The following TRHDE variants were observed in gnomAD, a reference collection of about 807,000 sequenced individuals.
The protein encoded by TRHDE is thyrotropin releasing hormone degrading enzyme.
Under a neutral mutation model 125.7 loss-of-function variants are expected in TRHDE, and 72 were observed. The observed-to-expected ratio is 0.57, with a 90% confidence interval of 0.47 to 0.70. TRHDE has a LOEUF of 0.70. Among genes scored for constraint, TRHDE ranks in the 30% least tolerant of loss-of-function variants. TRHDE has a pLI of 0.00. For missense variants in TRHDE, 1,110 were observed against 1,327.1 expected (o/e 0.84, Z 2.54); for synonymous variants, 509 against 509.1 (o/e 1.00, Z 0.00).
At chr12:72,264,732 G>A (rs2139397030) in intron 2 of TRHDE, 1 of 151,960 alleles carries the variant, frequency 6.6e-6, no homozygotes, top group Admixed American at 6.6e-5. Context: ...CCCTATATAT[G>A]TATTGTTACT....
chr12:72,328,346 C>T (rs1869434337), intron 2 of TRHDE, among the ~76,000 whole-genome samples: 1 of 152,062 alleles, frequency 6.6e-6, no homozygotes, highest in African/African-American at 2.4e-5. Flanking sequence ...GGTAGGTCAC[C>T]TTACTACAAT....
intron 12 of TRHDE, among the ~76,000 whole-genome samples, chr12:72,604,725 G>A (rs1035253730): frequency 1.3e-5 from 2 of 151,936 alleles, no homozygotes; most frequent in African/African-American, 4.8e-5. Context: ...CTTTTCTGCT[G>A]TTATTTTGTA....
intron 2 of TRHDE, among the ~76,000 whole-genome samples, chr12:72,187,506 T>TGGTGGTGGA (rs1233283631): frequency 0.022 from 2,840 of 131,876 alleles, 71 homozygotes; most frequent in African/African-American, 0.04. Flanking sequence ...GTGGTGGTGG[T>TGGTGGTGGA]GGAGGAGGAG....
intron 1 of TRHDE, among the ~76,000 whole-genome samples, chr12:72,284,902 C>T (rs1190872502): frequency 6.6e-6 from 1 of 152,102 alleles, no homozygotes; most frequent in Non-Finnish European, 1.5e-5. Flanking sequence ...GTAAGGAAAG[C>T]CTGGAAAACA....
intron 3 of TRHDE, among the ~76,000 whole-genome samples, chr12:72,399,661 T>G (rs2135801281): frequency 6.6e-6 from 1 of 152,286 alleles, no homozygotes; most frequent in South Asian, 2.1e-4. Flanking sequence ...TTGTAATTAT[T>G]GAGACATATA....
At position 72,395,446 on chromosome 12, in the gene TRHDE, G is replaced by A. The variant is rs1470799808; in HGVS notation, c.1315+17325G>A. Among the ~76,000 whole-genome samples the A allele has an allele frequency of 3.3e-5, 5 of 151,958 alleles. No individual in the cohort carries two copies. In the East Asian group the frequency reaches 7.8e-4, roughly 24 times the overall value. ...TCATTTCAAACATCCTACTCTGCTT[G>A]CAGTCTCCTATCTTTGTAGCCTTGT... is the stretch of plus-strand genomic sequence containing the variant. On this transcript the variant is annotated intron_variant, in intron 3 of 18. Transcript: ENST00000261180.
At chr12:72,607,740 T>C (rs548921237) in intron 12 of TRHDE, among the ~76,000 whole-genome samples, 1 of 152,206 alleles carries the variant, frequency 6.6e-6, no homozygotes, top group East Asian at 1.9e-4. Flanking sequence ...GGCCAGGAGG[T>C]TCTTTAAGTT....
chr12:72,483,989 C>A (rs889756343), intron 5 of TRHDE, among the ~76,000 whole-genome samples: 4 of 151,926 alleles, frequency 2.6e-5, no homozygotes, highest in Non-Finnish European at 5.9e-5. Flanking sequence ...AACATAAATT[C>A]ATCACCATGT....
At chr12:72,420,274 C>T (rs1668881564) in intron 3 of TRHDE, among the ~76,000 whole-genome samples, 1 of 152,152 alleles carries the variant, frequency 6.6e-6, no homozygotes, top group Non-Finnish European at 1.5e-5. Context: ...ATTTTGGGAA[C>T]TTTGGCCTTG....
chr12:72,273,363 C>A lies in TRHDE; in HGVS notation c.720C>A (p.Ala240=), dbSNP rs1240093914. The change falls in exon 1 of 19, where the codon GCC becomes GCA. Residue 240 remains alanine, a synonymous_variant. Coordinates refer to ENST00000261180, the MANE Select transcript of TRHDE (RefSeq NM_013381.3). The surrounding 1 kb of genome is among the most constrained non-coding windows in gnomAD (Gnocchi z 5.3). ...SRVAVEKVQL[A]EDRAFGAVPV... ...TGGCGGTGGAGAAAGTGCAGCTGGC[C>A]GAGGACCGGGCGTTCGGGGCTGTCC... 6.2e-7 allele frequency: 1 copy of A among 1,614,080 alleles called. No homozygotes were observed. Among genetic ancestry groups the A allele is most frequent in the East Asian group, 2.2e-5 (1 of 44,872 alleles).
chr12:72,556,121 A>G (rs1869910420), intron 7 of TRHDE, among the ~76,000 whole-genome samples: 1 of 152,228 alleles, frequency 6.6e-6, no homozygotes, highest in African/African-American at 2.4e-5. Flanking sequence ...CATAAGAACA[A>G]CAAAAGCCTA....
At chr12:72,443,188 TTTCCTGTGTGTGTG>T (rs1875103658) in intron 3 of TRHDE, among the ~76,000 whole-genome samples, 1 of 127,942 alleles carries the variant, frequency 7.8e-6, no homozygotes. Context: ...TCGCTACTTC[TTTCCTGTGTGTGTG>T]TGTGTGTGTG....
intron 3 of TRHDE, among the ~76,000 whole-genome samples, chr12:72,464,873 A>T (rs891758197): frequency 6.6e-6 from 1 of 152,180 alleles, no homozygotes; most frequent in Non-Finnish European, 1.5e-5. Flanking sequence ...AAGTAGAGCA[A>T]GTCAGATTTT....
chr12:72,103,148 A>C (rs1592441207), intron 1 of TRHDE, among the ~76,000 whole-genome samples: 1 of 152,224 alleles, frequency 6.6e-6, no homozygotes, highest in African/African-American at 2.4e-5. Flanking sequence ...CACAATTTGA[A>C]CAATTAGGTC....
At chr12:72,477,737 C>T (rs1876966483) in intron 5 of TRHDE, among the ~76,000 whole-genome samples, 1 of 152,098 alleles carries the variant, frequency 6.6e-6, no homozygotes, top group Admixed American at 6.6e-5. Context: ...TTTAATACAG[C>T]AGAAAGTTGC....
rs752288735 is a variant in TRHDE, at chr12:72,273,075, C to T, written c.432C>T (p.Asn144=). 6.5e-7 allele frequency: 1 copy of T among 1,526,878 alleles called. No homozygotes were observed. Among genetic ancestry groups the T allele is most frequent in the South Asian group, 1.2e-5 (1 of 82,720 alleles). 94.6% of individuals were successfully genotyped at this position (1,526,878 alleles called of 1,614,324 possible). A position where few individuals can be genotyped will look rare whatever the true frequency, so the allele number is the denominator to read the frequency against. ...NGSLPGSARR[N]HHAGGDSWQP... ...GCCTCCCTGGATCGGCCCGGCGCAA[C>T]CACCACGCAGGCGGGGACTCCTGGC... The change falls in exon 1 of 19, where the codon AAC becomes AAT. Residue 144 remains asparagine (N), a synonymous_variant. Coordinates refer to ENST00000261180, the MANE Select transcript of TRHDE (RefSeq NM_013381.3). The surrounding 1 kb of genome is among the most constrained non-coding windows in gnomAD (Gnocchi z 5.3).
At chr12:72,478,591 G>A (rs1421571912) in intron 5 of TRHDE, among the ~76,000 whole-genome samples, 1 of 152,120 alleles carries the variant, frequency 6.6e-6, no homozygotes, top group Admixed American at 6.5e-5. Context: ...AGAAAGGTTT[G>A]CTTTTCTCCT....
At chr12:72,278,410 C>A (rs1879570401) in intron 1 of TRHDE, among the ~76,000 whole-genome samples, 1 of 152,118 alleles carries the variant, frequency 6.6e-6, no homozygotes, top group Non-Finnish European at 1.5e-5. Flanking sequence ...TTGCAGATAT[C>A]TCCTCAACAT....
intron 18 of TRHDE, among the ~76,000 whole-genome samples, chr12:72,657,875 A>C (rs995441384): frequency 6.6e-6 from 1 of 152,176 alleles, no homozygotes; most frequent in Non-Finnish European, 1.5e-5. Flanking sequence ...CCATTGTAAA[A>C]TATAGCTGAT....
Sources: allele counts gnomAD v4.1 joint callset (sites outside exome capture counted in the v4.1 genomes callset), GRCh38; gene constraint gnomAD v4.1.1; non-coding constraint Gnocchi (gnomAD v3.1); transcripts MANE v1.5; gene names NCBI Gene and HGNC (gene_info 2026-07-23, HGNC 2026-07-21).